MINK1: variants seen among roughly 807,000 people sequenced by gnomAD.
The protein encoded by MINK1 is misshapen-like kinase 1.
MINK1 carries 46 observed loss-of-function variants against 178.4 expected under a neutral mutation model. The observed-to-expected ratio is 0.26, with a 90% confidence interval of 0.20 to 0.33. MINK1 has a LOEUF of 0.33. MINK1 is among the 10% of genes least tolerant of loss of function. MINK1 has a pLI of 1.00. For synonymous variants in MINK1, 797 were observed against 709.7 expected, an observed-to-expected ratio of 1.12 and a Z score of -1.96; for missense variants, 1,366 against 1,814.9, an observed-to-expected ratio of 0.75 and a Z score of 4.49.
chr17:4,833,511 A>G lies in MINK1; in HGVS notation c.-73A>G. 1.5e-6 allele frequency: 2 copies of G among 1,302,268 alleles called. No homozygotes were observed. The highest frequency in any genetic ancestry group is 2.1e-6 in the Non-Finnish European group (2 of 960,086). 80.7% of individuals were successfully genotyped at this position (1,302,268 alleles called of 1,614,324 possible). A position where few individuals can be genotyped will look rare whatever the true frequency, so the allele number is the denominator to read the frequency against. Reference sequence around the variant, plus strand: ...CCCCGGGGTTCTCCGATGGGGGAGAAGCGGCGACGGCGGCAGTGGAGTAAC... The same window carrying G: ...CCCCGGGGTTCTCCGATGGGGGAGAGGCGGCGACGGCGGCAGTGGAGTAAC... On this transcript the variant is annotated 5_prime_UTR_variant, in exon 1 of 32. Transcript: ENST00000355280. The surrounding 1 kb of genome is among the most constrained non-coding windows in gnomAD (Gnocchi z 4.8).
rs897049066 is a variant in MINK1, at chr17:4,836,317, A to T, written c.57+2677A>T. Among the ~76,000 whole-genome samples, 4 of 152,116 alleles carry T rather than the reference A, an allele frequency of 2.6e-5. No individual in the cohort carries two copies. Among genetic ancestry groups the T allele is most frequent in the African/African-American group, 9.7e-5 (4 of 41,440 alleles). The stretch of plus-strand genomic sequence containing the variant: ...AGCTGGTGATGAGGGTAATCGTCTG[A>T]TATTAGGGAAGATTGAATTGCGTTA... On this transcript the variant is annotated intron_variant, in intron 1 of 31. Coordinates refer to ENST00000355280, the MANE Select transcript of MINK1 (RefSeq NM_153827.5). This position sits in a 1 kb window ranked among gnomAD's most constrained non-coding sequence, Gnocchi z 4.3.
chr17:4,878,940 C>T (rs1043740168), intron 2 of MINK1, among the ~76,000 whole-genome samples: 1 of 152,226 alleles, frequency 6.6e-6, no homozygotes, highest in African/African-American at 2.4e-5. Flanking sequence ...CCAGCCCTCT[C>T]GTGTGGCCTG....
intron 1 of MINK1, among the ~76,000 whole-genome samples, chr17:4,858,167 T>C (rs1008745914): frequency 3.9e-5 from 6 of 152,140 alleles, no homozygotes; most frequent in African/African-American, 1.4e-4. Flanking sequence ...CTGATGAATT[T>C]ATGGGAGGCT....
At chr17:4,858,658 A>G (rs925707374) in intron 1 of MINK1, among the ~76,000 whole-genome samples, 5 of 151,498 alleles carry the variant, frequency 3.3e-5, no homozygotes, top group African/African-American at 1.2e-4. Flanking sequence ...TGTATTTGTA[A>G]TAGAGATGGG....
intron 1 of MINK1, among the ~76,000 whole-genome samples, chr17:4,872,688 C>T (rs1915997333): frequency 6.6e-6 from 1 of 152,090 alleles, no homozygotes; most frequent in East Asian, 1.9e-4. Context: ...AGGAGAATTG[C>T]TTGAACCCAG....
chr17:4,863,802 A>T (rs199492260), intron 1 of MINK1, among the ~76,000 whole-genome samples: 1 of 151,566 alleles, frequency 6.6e-6, no homozygotes, highest in East Asian at 1.9e-4. Flanking sequence ...TATTATTATT[A>T]TTTTTGAGAC....
chr17:4,883,567 T>A (rs2151004413), intron 4 of MINK1, among the ~76,000 whole-genome samples: 1 of 152,064 alleles, frequency 6.6e-6, no homozygotes, highest in South Asian at 2.1e-4. Context: ...AGTCTCACTC[T>A]GTCACCCAGG....
At chr17:4,840,869 G>A (rs1910114215) in intron 1 of MINK1, among the ~76,000 whole-genome samples, 1 of 152,142 alleles carries the variant, frequency 6.6e-6, no homozygotes, top group African/African-American at 2.4e-5. Context: ...TGAATGTCGG[G>A]AGGATGGCAG....
chr17:4,881,459 C>G (rs775878376), intron 4 of MINK1, among the ~76,000 whole-genome samples: 1 of 152,198 alleles, frequency 6.6e-6, no homozygotes, highest in South Asian at 2.1e-4. Context: ...ACTGCAGCAT[C>G]TCATCCTTTG....
At chr17:4,867,128 T>C (rs988678563) in intron 1 of MINK1, among the ~76,000 whole-genome samples, 4 of 111,712 alleles carry the variant, frequency 3.6e-5, no homozygotes, top group Non-Finnish European at 7.4e-5. Context: ...TAGTAGGTGC[T>C]CTTAGGACTG....
chr17:4,850,749 G>T (rs1376509056), intron 1 of MINK1, among the ~76,000 whole-genome samples: 3 of 152,174 alleles, frequency 2.0e-5, no homozygotes, highest in Non-Finnish European at 4.4e-5. Flanking sequence ...GTGGACACCT[G>T]ACTCCCACAG....
At chr17:4,869,473 C>T (rs1428832534) in intron 1 of MINK1, among the ~76,000 whole-genome samples, 3 of 151,094 alleles carry the variant, frequency 2.0e-5, no homozygotes, top group South Asian at 4.2e-4. Flanking sequence ...CACGGGGTCT[C>T]GCCATGTTGC....
chr17:4,879,619 C>T (rs949286769), intron 2 of MINK1, among the ~76,000 whole-genome samples: 1 of 152,212 alleles, frequency 6.6e-6, no homozygotes, highest in Non-Finnish European at 1.5e-5. Flanking sequence ...CCACCTTCCT[C>T]CATCCTGCTC....
chr17:4,847,227 C>T (rs778135096), intron 1 of MINK1: 1 of 459,982 alleles, frequency 2.2e-6, no homozygotes, highest in South Asian at 1.6e-5. Flanking sequence ...AGTTTTGGTT[C>T]CAGTTCATTC....
Position 4,891,112 on chromosome 17 carries a change from G to A in MINK1, c.1728G>A (p.Glu576=), listed in dbSNP as rs200592676. 1 of 1,535,756 alleles carries A rather than the reference G, an allele frequency of 6.5e-7. No individual in the cohort carries two copies. Among genetic ancestry groups the A allele is most frequent in the East Asian group, 2.4e-5 (1 of 40,960 alleles). The change falls in exon 15 of 32, where the codon GAG becomes GAA. Residue 576 remains glutamate (E), a synonymous_variant. Coordinates refer to ENST00000355280, the MANE Select transcript of MINK1 (RefSeq NM_153827.5). ...PPMQRPVEPQ[E]GPHKSLVAHR... ...TGCAGAGGCCGGTGGAGCCCCAGGAGGGACCGCACAAGGTGAGTCTCTCCC... is the reference window on the plus strand; with the variant it reads ...TGCAGAGGCCGGTGGAGCCCCAGGAAGGACCGCACAAGGTGAGTCTCTCCC...
chr17:4,887,488 G>C lies in MINK1; in HGVS notation c.1020-92G>C. ...GGCCAGAGGCAGAGGCTTTGATCCA[G>C]TTAAAGCACCCACTCAGGCGGGCCC... On this transcript the variant is annotated intron_variant, in intron 11 of 31. Transcript: ENST00000355280. The surrounding 1 kb of genome is among the most constrained non-coding windows in gnomAD (Gnocchi z 7.6). 4.1e-6 allele frequency: 5 copies of C among 1,233,144 alleles called. No homozygotes were observed. Among genetic ancestry groups the C allele is most frequent in the Middle Eastern group, 2.0e-4 (1 of 5,022 alleles). The allele number at this position is 1,233,144 out of a possible 1,614,324, so 76.4% of individuals were successfully genotyped here.
chr17:4,859,788 C>CAAAAA (rs397857604), intron 1 of MINK1, among the ~76,000 whole-genome samples: 1,091 of 51,880 alleles, frequency 0.021, 157 homozygotes, highest in Non-Finnish European at 0.03. Flanking sequence ...AACTCCATCT[C>CAAAAA]AAAAAAAAAA....
At position 4,887,807 on chromosome 17, in the gene MINK1, G is replaced by C; in HGVS notation, c.1230+17G>C. 1.3e-6 allele frequency: 2 copies of C among 1,490,086 alleles called. No homozygotes were observed. The highest frequency in any genetic ancestry group is 1.8e-6 in the Non-Finnish European group (2 of 1,118,452). 92.3% of individuals were successfully genotyped at this position (1,490,086 alleles called of 1,614,324 possible). A position where few individuals can be genotyped will look rare whatever the true frequency, so the allele number is the denominator to read the frequency against. ...GTGGAGGAGGTGGGCTGTCTCCGAA[G>C]GGCCCAGGCCTGGCGCGGCCTCCTC... On this transcript the variant is annotated intron_variant, in intron 12 of 31. Coordinates refer to ENST00000355280, the MANE Select transcript of MINK1 (RefSeq NM_153827.5). The surrounding 1 kb of genome is among the most constrained non-coding windows in gnomAD (Gnocchi z 7.6).
In MINK1 at chr17:4,895,605, C is replaced by T. The variant is rs188053095; in HGVS notation, c.3230-93C>T. On this transcript the variant is annotated intron_variant, in intron 26 of 31. Coordinates refer to ENST00000355280, the MANE Select transcript of MINK1 (RefSeq NM_153827.5). The surrounding 1 kb of genome is among the most constrained non-coding windows in gnomAD (Gnocchi z 4.3). Reference sequence around the variant, plus strand: ...GGAAGGTGGGGCCACACTTTCTCACCCCTTGTGGTATGCTGACAGAGGAGG... The same window carrying T: ...GGAAGGTGGGGCCACACTTTCTCACTCCTTGTGGTATGCTGACAGAGGAGG... The T allele has an allele frequency of 4.2e-5, 65 of 1,558,508 alleles. No homozygotes were observed. In the East Asian group the frequency reaches 1.0e-3, roughly 25 times the overall value.
Sources: allele counts gnomAD v4.1 joint callset (sites outside exome capture counted in the v4.1 genomes callset), GRCh38; gene constraint gnomAD v4.1.1; non-coding constraint Gnocchi (gnomAD v3.1); transcripts MANE v1.5; gene names NCBI Gene and HGNC (gene_info 2026-07-23, HGNC 2026-07-21).